Variants in PDSS2 observed in about 807,000 individuals in gnomAD.
The protein encoded by PDSS2 is all trans-polyprenyl-diphosphate synthase PDSS2.
A neutral mutation model predicts 44.5 loss-of-function variants in PDSS2; 31 were observed. That is an observed-to-expected ratio of 0.70 (90% CI 0.52 to 0.94). The LOEUF is 0.94. Ranked by LOEUF, PDSS2 falls within the 40% of genes least tolerant of loss-of-function variation. The probability of loss-of-function intolerance (pLI) is 0.00; values close to 1 mark genes in which losing one functional copy is unlikely to be tolerated. For missense variants in PDSS2, 452 were observed against 482.2 expected (o/e 0.94, Z 0.59); for synonymous variants, 157 against 180.3 (o/e 0.87, Z 1.03).
At chr6:107,212,072 T>G in intron 5 of PDSS2, 37 bp downstream of exon 5, 1 of 1,568,382 alleles carries the variant, frequency 6.4e-7, no homozygotes, top group Non-Finnish European at 8.8e-7. Context: ...TTTTAGCTAT[T>G]TAAGTACTGA....
chr6:107,242,260 T>A (rs972370393), intron 4 of PDSS2, among the ~76,000 whole-genome samples: 10 of 151,496 alleles, frequency 6.6e-5, no homozygotes, highest in Non-Finnish European at 1.3e-4. Context: ...TTTGAAAAAA[T>A]TATTATTATT....
At chr6:107,337,038 ACCACACAC>A (rs1285938035) in intron 1 of PDSS2, among the ~76,000 whole-genome samples, 1 of 43,900 alleles carries the variant, frequency 2.3e-5, no homozygotes, top group East Asian at 6.1e-4. Context: ...CCTTTCACAT[ACCACACAC>A]ACACACACAC....
At chr6:107,270,109 A>G (rs1481502341) in intron 3 of PDSS2, among the ~76,000 whole-genome samples, 1 of 151,932 alleles carries the variant, frequency 6.6e-6, no homozygotes, top group Non-Finnish European at 1.5e-5. Flanking sequence ...GAAGTGTATT[A>G]TTATTATTTT....
rs141230569 is a variant in PDSS2 at position 107,295,204 on chromosome 6, G to A, written c.432-20977C>T. Among the ~76,000 whole-genome samples the A allele has an allele frequency of 9.2e-3, 1,402 of 152,264 alleles. 19 individuals carry two copies. The highest frequency in any genetic ancestry group is 0.032 in the African/African-American group (1,335 of 41,538). On this transcript the variant is annotated intron_variant, in intron 2 of 7. Coordinates refer to ENST00000369037, the MANE Select transcript of PDSS2 (RefSeq NM_020381.4). ...CTGCCTCAGCCTCCCAAAGTGCTGG[G>A]ATTACAGGCGTGAGCCACCGCGCCC...
intron 1 of PDSS2, among the ~76,000 whole-genome samples, chr6:107,389,705 A>G (rs967928036): frequency 7.2e-5 from 11 of 152,214 alleles, no homozygotes; most frequent in African/African-American, 2.4e-4. Context: ...ATAAGTATAC[A>G]TACATTTCCT....
In PDSS2 at chr6:107,375,732, A is replaced by G. The variant is rs551310229; in HGVS notation, c.297-41400T>C. ...GACTAAAACCAGAAAGAGACATTACAGGAAAATTATTAAACAATATCCTTT... is the reference window on the plus strand; with the variant it reads ...GACTAAAACCAGAAAGAGACATTACGGGAAAATTATTAAACAATATCCTTT... On this transcript the variant is annotated intron_variant, in intron 1 of 7. Transcript: ENST00000369037. Among the ~76,000 whole-genome samples the G allele has an allele frequency of 5.8e-4, 89 of 152,316 alleles. 1 individual carries two copies. Among genetic ancestry groups the G allele is most frequent in the Non-Finnish European group, 3.5e-4 (24 of 68,020 alleles).
chr6:107,194,362 C>T (rs1264858879), intron 6 of PDSS2, among the ~76,000 whole-genome samples: 1 of 151,908 alleles, frequency 6.6e-6, no homozygotes, highest in Admixed American at 6.6e-5. Context: ...TTCTTTTTTG[C>T]CTAGACTAGT....
intron 1 of PDSS2, among the ~76,000 whole-genome samples, chr6:107,361,646 C>T (rs747047910): frequency 1.3e-5 from 2 of 152,182 alleles, no homozygotes; most frequent in Non-Finnish European, 2.9e-5. Context: ...TAGGATCACA[C>T]ATGTAACACT....
Position 107,353,567 on chromosome 6 carries a change from A to G in PDSS2, c.297-19235T>C, listed in dbSNP as rs538453111. ...TTTGCTCCCCAGATCTCATGTAATT[A>G]TATGTTACCTCTTCAGCCTTCTTTT... On this transcript the variant is annotated intron_variant, in intron 1 of 7. Coordinates refer to ENST00000369037, the MANE Select transcript of PDSS2 (RefSeq NM_020381.4). Among the ~76,000 whole-genome samples the G allele has an allele frequency of 3.9e-5, 6 of 152,190 alleles. 1 individual carries two copies. The South Asian group carries it at 1.2e-3, about 32-fold the overall frequency.
At chr6:107,224,854 TCA>T (rs1773732719) in intron 4 of PDSS2, among the ~76,000 whole-genome samples, 2 of 150,862 alleles carry the variant, frequency 1.3e-5, no homozygotes, top group African/African-American at 2.5e-5. Flanking sequence ...ATTTATTATT[TCA>T]CAGTTTCTGA....
Position 107,343,221 on chromosome 6 carries a change from G to A in PDSS2, c.297-8889C>T, listed in dbSNP as rs115396151. On this transcript the variant is annotated intron_variant, in intron 1 of 7. Transcript: ENST00000369037. ...CTAACATACATGAAGTGGGTTGATT[G>A]GTAAGATTCCTATTAATGCTTATGA... Among the ~76,000 whole-genome samples, 974 of 152,168 alleles carry A rather than the reference G, an allele frequency of 6.4e-3. 13 individuals are homozygous for A. The highest frequency in any genetic ancestry group is 0.023 in the African/African-American group (938 of 41,512).
chr6:107,241,348 T>C (rs1349079301), intron 4 of PDSS2, among the ~76,000 whole-genome samples: 14 of 131,060 alleles, frequency 1.1e-4, no homozygotes, highest in East Asian at 6.6e-4. Flanking sequence ...CTTCTTCTTT[T>C]TTTTTTTTTT....
intron 1 of PDSS2, among the ~76,000 whole-genome samples, chr6:107,402,554 A>AAAT (rs1780178458): frequency 3.2e-5 from 2 of 61,796 alleles, no homozygotes; most frequent in Non-Finnish European, 8.6e-5. Flanking sequence ...TATATATATA[A>AAAT]AAATATATAT....
intron 1 of PDSS2, among the ~76,000 whole-genome samples, chr6:107,453,642 A>C (rs893087509): frequency 6.6e-6 from 1 of 152,138 alleles, no homozygotes; most frequent in African/African-American, 2.4e-5. Context: ...CAGTAGGTGG[A>C]ATGATTCCTC....
intron 1 of PDSS2, among the ~76,000 whole-genome samples, chr6:107,427,663 G>A (rs1781048343): frequency 6.6e-6 from 1 of 152,184 alleles, no homozygotes; most frequent in Non-Finnish European, 1.5e-5. Flanking sequence ...AAACCAAAAT[G>A]AGAACTCTCC....
intron 2 of PDSS2, among the ~76,000 whole-genome samples, chr6:107,313,637 A>G (rs2115129096): frequency 6.6e-6 from 1 of 152,290 alleles, no homozygotes; most frequent in Non-Finnish European, 1.5e-5. Context: ...TACAGGCATG[A>G]GCCACCACGC....
intron 1 of PDSS2, among the ~76,000 whole-genome samples, chr6:107,425,742 A>G (rs1780978980): frequency 6.6e-6 from 1 of 152,198 alleles, no homozygotes; most frequent in Admixed American, 6.5e-5. Context: ...TGGGTGGATC[A>G]CGAGGTCAGG....
intron 4 of PDSS2, among the ~76,000 whole-genome samples, chr6:107,235,273 C>A (rs57398665): frequency 2.6e-5 from 4 of 152,120 alleles, no homozygotes; most frequent in Non-Finnish European, 5.9e-5. Flanking sequence ...CTAAAGTCTT[C>A]GGCTGAGTAT....
rs1260797161 is a variant in PDSS2 at position 107,408,733 on chromosome 6, C to A, written c.296+50257G>T. The stretch of plus-strand genomic sequence containing the variant: ...GGGAATGCTATTTTTTCATTGTTAC[C>A]ATGCCTTCTGAATTTTCAAAAGAGG... On this transcript the variant is annotated intron_variant, in intron 1 of 7. Coordinates refer to ENST00000369037, the MANE Select transcript of PDSS2 (RefSeq NM_020381.4). Among the ~76,000 whole-genome samples, 5 of 152,142 alleles carry A rather than the reference C, an allele frequency of 3.3e-5. No homozygotes were observed. In the East Asian group the frequency reaches 7.7e-4, roughly 23 times the overall value.
Sources: gnomAD v4.1 joint callset for allele counts (sites outside exome capture counted in the v4.1 genomes callset) on GRCh38, gnomAD v4.1.1 for gene constraint, MANE v1.5 for transcripts, NCBI Gene and HGNC (gene_info 2026-07-23, HGNC 2026-07-21) for gene names.